The following TSEN2 variants were observed in gnomAD, a reference collection of about 807,000 sequenced individuals.
The protein encoded by TSEN2 is tRNA-splicing endonuclease subunit Sen2.
TSEN2 carries 54 observed loss-of-function variants against 59.2 expected under a neutral mutation model. That is an observed-to-expected ratio of 0.91 (90% CI 0.73 to 1.14). The LOEUF is 1.14. Among genes scored for constraint, TSEN2 ranks in the 50% most tolerant of loss-of-function variants. The pLI is 0.00. For missense variants in TSEN2, 636 were observed against 576.2 expected (o/e 1.10, Z -1.06); for synonymous variants, 195 against 198.2 (o/e 0.98, Z 0.14).
In TSEN2 at chr3:12,519,216, G is replaced by GGT. The variant is rs540152891; in HGVS notation, c.1099+27_1099+28dup. On this transcript the variant is annotated intron_variant, in intron 8 of 11. Coordinates refer to ENST00000284995, the MANE Select transcript of TSEN2 (RefSeq NM_025265.4). Reference sequence around the variant, plus strand: ...GATTTACGTAAGTAATTCTTGGCGTGGTGTGTGTGAGAATAGAGTTTATAT... The same window carrying GGT: ...GATTTACGTAAGTAATTCTTGGCGTGGTGTGTGTGTGAGAATAGAGTTTATAT... 6.2e-6 allele frequency: 10 copies of GGT among 1,613,938 alleles called. No homozygotes were observed. Among genetic ancestry groups the GGT allele is most frequent in the Non-Finnish European group, 8.5e-6 (10 of 1,180,008 alleles).
intron 8 of TSEN2, among the ~76,000 whole-genome samples, chr3:12,523,526 C>CTTTTTTTTTTTTTTTTTTGTTTT (rs2056827604): frequency 4.3e-5 from 2 of 46,480 alleles, no homozygotes; most frequent in African/African-American, 7.9e-5. Flanking sequence ...CTCTTTGATT[C>CTTTTTTTTTTTTTTTTTTGTTTT]TTTTTTTTTT....
Position 12,503,270 on chromosome 3 carries a change from A to C in TSEN2, c.317A>C (p.His106Pro), listed in dbSNP as rs376922193. The change falls in exon 5 of 12, where the codon CAT (histidine) becomes CCT (proline). Residue 106 changes from histidine to proline, a missense_variant. His to Pro is a moderately conservative substitution (Grantham distance 77). Transcript: ENST00000284995. ...MPIITSKRYQ[H>P]SVEWAAELMR... Reference sequence around the variant, plus strand: ...GTATTTCTGTCTTGCAGGTATCAGCATAGTGTTGAGTGGGCAGCAGAGCTG... The same window carrying C: ...GTATTTCTGTCTTGCAGGTATCAGCCTAGTGTTGAGTGGGCAGCAGAGCTG... 1 of 1,614,026 alleles carries C rather than the reference A, an allele frequency of 6.2e-7. No homozygotes were observed. Among genetic ancestry groups the C allele is most frequent in the African/African-American group, 1.3e-5 (1 of 74,922 alleles).
In TSEN2 at chr3:12,529,751, G is replaced by T. The variant is rs1450875613; in HGVS notation, c.1137-11G>T. On this transcript the variant is annotated splice_polypyrimidine_tract_variant and intron_variant, in intron 9 of 11. Coordinates refer to ENST00000284995, the MANE Select transcript of TSEN2 (RefSeq NM_025265.4). ...TGATTACTTTTAACATGCTTTTTCT[G>T]TATTTTCCAGTTATTCTGTCATTAT... is the stretch of plus-strand genomic sequence containing the variant. 2 of 1,611,914 alleles carry T rather than the reference G, an allele frequency of 1.2e-6. No individual in the cohort carries two copies. The highest frequency in any genetic ancestry group is 1.7e-6 in the Non-Finnish European group (2 of 1,178,344).
At position 12,503,302 on chromosome 3, in the gene TSEN2, A is replaced by G. The variant is rs770572190; in HGVS notation, c.349A>G (p.Arg117Gly). ...TGAGTGGGCAGCAGAGCTGATGCGT[A>G]GACAGGGGCAGGATGAGAGTACAGT... ...SVEWAAELMR[R>G]QGQDESTVRR... The change falls in exon 5 of 12, where the codon AGA (arginine) becomes GGA (glycine). Residue 117 changes from arginine to glycine, a missense_variant. Physicochemically the swap from Arg to Gly is moderately radical, Grantham distance 125. Coordinates refer to ENST00000284995, the MANE Select transcript of TSEN2 (RefSeq NM_025265.4). The G allele has an allele frequency of 6.8e-6, 11 of 1,614,118 alleles. No homozygotes were observed. The highest frequency in any genetic ancestry group is 2.7e-5 in the African/African-American group (2 of 74,938).
chr3:12,485,340 G>C (rs1050339578), intron 1 of TSEN2, among the ~76,000 whole-genome samples: 5 of 152,126 alleles, frequency 3.3e-5, no homozygotes, highest in Non-Finnish European at 7.4e-5. Context: ...CTGTGTGCTC[G>C]AGGGAAGAAT....
intron 4 of TSEN2, among the ~76,000 whole-genome samples, chr3:12,501,166 A>T (rs550586878): frequency 5.3e-5 from 8 of 152,180 alleles, no homozygotes; most frequent in Non-Finnish European, 8.8e-5. Flanking sequence ...AGGTGAGAAG[A>T]CACCCTGCAG....
chr3:12,515,782 G>C (rs763555210), intron 6 of TSEN2, among the ~76,000 whole-genome samples: 11 of 152,148 alleles, frequency 7.2e-5, no homozygotes, highest in Non-Finnish European at 1.3e-4. Context: ...TGCAAACATA[G>C]GGTTCTAGAA....
intron 4 of TSEN2, 66 bp from the exon 5 acceptor site, chr3:12,503,196 T>C (rs914135289): frequency 3.6e-5 from 57 of 1,592,042 alleles, no homozygotes; most frequent in Admixed American, 1.3e-4. Flanking sequence ...GTCTGTTTTA[T>C]GTGCTTTGTT....
chr3:12,500,492 G>T, intron 4 of TSEN2, among the ~76,000 whole-genome samples: 1 of 152,206 alleles, frequency 6.6e-6, no homozygotes, highest in East Asian at 1.9e-4. Context: ...CCACACGGAA[G>T]AGCCAACTCC....
intron 8 of TSEN2, 127 bp downstream of exon 8, chr3:12,519,324 A>G: frequency 3.7e-6 from 5 of 1,346,686 alleles, no homozygotes; most frequent in Non-Finnish European, 4.2e-6. Context: ...TTTAGATAAG[A>G]TTATTGGATA....
chr3:12,531,544 A>G lies in TSEN2; in HGVS notation c.1249-26A>G, dbSNP rs767339724. Reference sequence around the variant, plus strand: ...TTTGTACTATTATTTTGTAGGATACAGAAGTGGTTTTTCATTTCTCAATAG... The same window carrying G: ...TTTGTACTATTATTTTGTAGGATACGGAAGTGGTTTTTCATTTCTCAATAG... On this transcript the variant is annotated intron_variant, in intron 10 of 11. Coordinates refer to ENST00000284995, the MANE Select transcript of TSEN2 (RefSeq NM_025265.4). The G allele has an allele frequency of 4.0e-6, 6 of 1,486,942 alleles. No homozygotes were observed. The East Asian group carries it at 6.8e-5, about 17-fold the overall frequency. 92.1% of individuals were successfully genotyped at this position (1,486,942 alleles called of 1,614,324 possible). A position where few individuals can be genotyped will look rare whatever the true frequency, so the allele number is the denominator to read the frequency against.
At chr3:12,493,722 G>A (rs1043372976) in intron 3 of TSEN2, among the ~76,000 whole-genome samples, 12 of 151,648 alleles carry the variant, frequency 7.9e-5, no homozygotes, top group Non-Finnish European at 1.0e-4. Flanking sequence ...GCAAGACTCC[G>A]TTTCTAAATA....
At chr3:12,483,344 C>A (rs993203921), upstream of TSEN2, among the ~76,000 whole-genome samples, 1 of 152,146 alleles carries the variant, frequency 6.6e-6, no homozygotes, top group Non-Finnish European at 1.5e-5. Flanking sequence ...GAGATGGTGC[C>A]ACTGCATTCC....
At chr3:12,485,373 T>C (rs567694928) in intron 1 of TSEN2, among the ~76,000 whole-genome samples, 12 of 150,294 alleles carry the variant, frequency 8.0e-5, no homozygotes, top group South Asian at 2.1e-4. Context: ...CTGCTTTTAA[T>C]AGAAAGTAAG....
intron 10 of TSEN2, 69 bp from the exon 11 acceptor site, chr3:12,531,501 C>G: frequency 2.9e-6 from 3 of 1,020,512 alleles, no homozygotes; most frequent in Non-Finnish European, 4.6e-6. Context: ...ACCTGCATTT[C>G]CTGCTGATGC....
downstream of TSEN2, among the ~76,000 whole-genome samples, chr3:12,538,640 G>C (rs955227870): frequency 5.9e-5 from 9 of 152,200 alleles, no homozygotes; most frequent in African/African-American, 2.2e-4. Context: ...ATAAGATTAA[G>C]TGAAGTAGTA....
chr3:12,527,455 T>G (rs200365578), intron 8 of TSEN2, among the ~76,000 whole-genome samples: 4 of 150,922 alleles, frequency 2.7e-5, no homozygotes, highest in Non-Finnish European at 5.9e-5. Flanking sequence ...TTTTTTTTTT[T>G]CTTTTTTTTT....
chr3:12,480,231 A>G (rs1249695764), upstream of TSEN2, among the ~76,000 whole-genome samples: 1 of 152,102 alleles, frequency 6.6e-6, no homozygotes, highest in African/African-American at 2.4e-5. Flanking sequence ...ACCTTATCAC[A>G]GCTCCAACCT....
intron 6 of TSEN2, among the ~76,000 whole-genome samples, chr3:12,506,247 G>T (rs2054822633): frequency 6.6e-6 from 1 of 152,060 alleles, no homozygotes; most frequent in African/African-American, 2.4e-5. Context: ...TTAAGTAAAT[G>T]GATTTATTTC....
Sources: allele counts gnomAD v4.1 joint callset (sites outside exome capture counted in the v4.1 genomes callset), GRCh38; gene constraint gnomAD v4.1.1; transcripts MANE v1.5; gene names NCBI Gene and HGNC (gene_info 2026-07-23, HGNC 2026-07-21).